Variants in INPP4B observed in about 807,000 individuals in gnomAD.
INPP4B encodes inositol polyphosphate 4-phosphatase type II.
Under a neutral mutation model 122.5 loss-of-function variants are expected in INPP4B, and 55 were observed. The observed-to-expected ratio is 0.45, with a 90% CI of 0.36 to 0.56. The LOEUF (loss-of-function observed/expected upper bound fraction) is 0.56, where lower values mean the gene tolerates loss of function less well. Ranked by LOEUF, INPP4B falls within the 20% of genes least tolerant of loss-of-function variation. The pLI is 0.00. For synonymous variants in INPP4B, 403 were observed against 388.7 expected (o/e 1.04, Z -0.43); for missense variants, 1,000 against 1,097.7 (o/e 0.91, Z 1.26).
At chr4:142,564,458 AGAAAGAAAG>A (rs1731182677) in intron 2 of INPP4B, among the ~76,000 whole-genome samples, 1 of 124,086 alleles carries the variant, frequency 8.1e-6, no homozygotes, top group African/African-American at 3.1e-5. Flanking sequence ...AAAAAAAGAA[AGAAAGAAAG>A]AAAGAAAGAA....
chr4:142,649,915 C>G (rs1446394167), intron 2 of INPP4B, among the ~76,000 whole-genome samples: 2 of 152,132 alleles, frequency 1.3e-5, no homozygotes, highest in Non-Finnish European at 2.9e-5. Flanking sequence ...ACATAATTGT[C>G]AGATTCACCA....
At chr4:142,358,742 C>T (rs1014408184) in intron 7 of INPP4B, among the ~76,000 whole-genome samples, 13 of 151,756 alleles carry the variant, frequency 8.6e-5, no homozygotes, top group African/African-American at 2.7e-4. Context: ...ATTCCTCCCA[C>T]GATAACAATC....
intron 7 of INPP4B, among the ~76,000 whole-genome samples, chr4:142,320,790 G>T (rs1238987388): frequency 2.0e-5 from 3 of 152,128 alleles, no homozygotes; most frequent in Non-Finnish European, 4.4e-5. Context: ...ATAATGGTCT[G>T]CACCTCCATC....
At position 142,204,373 on chromosome 4, in the gene INPP4B, C is replaced by T. The variant is rs992047845; in HGVS notation, c.1072+4052G>A. Among the ~76,000 whole-genome samples, 6 of 152,030 alleles carry T rather than the reference C, an allele frequency of 3.9e-5. No individual in the cohort carries two copies. In the South Asian group the frequency reaches 1.0e-3, roughly 26 times the overall value. On this transcript the variant is annotated intron_variant, in intron 14 of 25. Coordinates refer to ENST00000262992, the MANE Select transcript of INPP4B (RefSeq NM_001101669.3). ...ATCTAGCCTTTTCCCATATTTTCTTCTTAGCTCTTCAAAGACCAGAACCAG... is the reference window on the plus strand; with the variant it reads ...ATCTAGCCTTTTCCCATATTTTCTTTTTAGCTCTTCAAAGACCAGAACCAG...
At chr4:142,748,844 T>C (rs1048460874) in intron 1 of INPP4B, among the ~76,000 whole-genome samples, 1 of 151,898 alleles carries the variant, frequency 6.6e-6, no homozygotes, top group Non-Finnish European at 1.5e-5. Context: ...CTTTCAAATA[T>C]ATTAGCTAAG....
intron 2 of INPP4B, among the ~76,000 whole-genome samples, chr4:142,711,727 C>G (rs952860980): frequency 2.6e-5 from 4 of 152,060 alleles, no homozygotes; most frequent in African/African-American, 9.7e-5. Context: ...AGGACAGAGC[C>G]TTTATGGATG....
At chr4:142,123,677 T>C (rs1797509138) in intron 19 of INPP4B, among the ~76,000 whole-genome samples, 1 of 152,166 alleles carries the variant, frequency 6.6e-6, no homozygotes, top group Non-Finnish European at 1.5e-5. Flanking sequence ...AAATCTTATA[T>C]CTACCATTTC....
At chr4:142,691,924 A>G (rs1429468301) in intron 2 of INPP4B, among the ~76,000 whole-genome samples, 1 of 152,194 alleles carries the variant, frequency 6.6e-6, no homozygotes, top group African/African-American at 2.4e-5. Context: ...AGGAGGATAA[A>G]TAAGAGAAAC....
At chr4:142,386,210 AT>A (rs1407638312) in intron 7 of INPP4B, among the ~76,000 whole-genome samples, 1 of 152,070 alleles carries the variant, frequency 6.6e-6, no homozygotes, top group Non-Finnish European at 1.5e-5. Flanking sequence ...ACAGAATTTT[AT>A]TTTTTAGAGA....
chr4:142,613,918 G>A (rs1350501872), intron 2 of INPP4B, among the ~76,000 whole-genome samples: 1 of 152,146 alleles, frequency 6.6e-6, no homozygotes, highest in Non-Finnish European at 1.5e-5. Flanking sequence ...GTTGTATTAA[G>A]AGCCAAACTT....
intron 2 of INPP4B, among the ~76,000 whole-genome samples, chr4:142,535,535 T>C (rs1187372031): frequency 6.6e-6 from 1 of 152,130 alleles, no homozygotes; most frequent in African/African-American, 2.4e-5. Context: ...TTATCAAAAA[T>C]AAATGCAAGA....
At chr4:142,626,237 G>T (rs1350394891) in intron 2 of INPP4B, among the ~76,000 whole-genome samples, 1 of 152,060 alleles carries the variant, frequency 6.6e-6, no homozygotes, top group Non-Finnish European at 1.5e-5. Context: ...GCAGAACTGT[G>T]AACATGATGG....
rs115346115 is a variant in INPP4B at position 142,410,278 on chromosome 4, C to T, written c.137-4954G>A. ...AGCAGATGCCTGCCCCAGGCTTTCA[C>T]GAGAGTGGTGGTGTGAACCACTGAG... On this transcript the variant is annotated intron_variant, in intron 5 of 25. Transcript: ENST00000262992. Among the ~76,000 whole-genome samples the T allele has an allele frequency of 8.5e-3, 1,301 of 152,318 alleles. 11 individuals carry two copies. Among genetic ancestry groups the T allele is most frequent in the African/African-American group, 0.017 (721 of 41,570 alleles).
chr4:142,492,469 T>C (rs987834008), intron 2 of INPP4B, among the ~76,000 whole-genome samples: 2 of 152,056 alleles, frequency 1.3e-5, no homozygotes, highest in African/African-American at 4.8e-5. Context: ...GTGAGAAAAT[T>C]TGGAACTTCC....
chr4:142,141,205 G>A (rs1417730395), intron 18 of INPP4B, among the ~76,000 whole-genome samples: 1 of 152,184 alleles, frequency 6.6e-6, no homozygotes. Flanking sequence ...TTAGGATCAA[G>A]GTCTGGAGTA....
At chr4:142,763,288 G>C (rs1357701503) in intron 1 of INPP4B, among the ~76,000 whole-genome samples, 1 of 152,106 alleles carries the variant, frequency 6.6e-6, no homozygotes, top group Admixed American at 6.6e-5. Context: ...ATGCTAACTT[G>C]TTAACACTAA....
intron 2 of INPP4B, among the ~76,000 whole-genome samples, chr4:142,717,981 AGG>A (rs1326217193): frequency 6.6e-6 from 1 of 152,016 alleles, no homozygotes; most frequent in Non-Finnish European, 1.5e-5. Flanking sequence ...ATGTTAGGAA[AGG>A]GGAGAAAAAA....
chr4:142,562,480 G>T (rs116821349), intron 2 of INPP4B, among the ~76,000 whole-genome samples: 1,810 of 152,246 alleles, frequency 0.012, 22 homozygotes, highest in Non-Finnish European at 0.018. Flanking sequence ...AGGTCACAAA[G>T]CAAATTCTAG....
chr4:142,138,117 C>T (rs1317933057), intron 18 of INPP4B, among the ~76,000 whole-genome samples: 5 of 150,494 alleles, frequency 3.3e-5, no homozygotes, highest in African/African-American at 7.3e-5. Context: ...TTCACAATAG[C>T]AAAGACTTGG....
Sources: allele counts gnomAD v4.1 joint callset (sites outside exome capture counted in the v4.1 genomes callset), GRCh38; gene constraint gnomAD v4.1.1; transcripts MANE v1.5; gene names NCBI Gene and HGNC (gene_info 2026-07-23, HGNC 2026-07-21).